SORCS3: variants seen among roughly 807,000 people sequenced by gnomAD.
The protein encoded by SORCS3 is VPS10 domain-containing receptor SorCS3.
In SORCS3, 57 loss-of-function variants were observed where a neutral mutation model predicts 146.3. The ratio of observed to expected loss-of-function variants is 0.39; its 90% CI spans 0.31 to 0.49. The LOEUF (loss-of-function observed/expected upper bound fraction) is 0.49. Among genes scored for constraint, SORCS3 ranks in the 20% least tolerant of loss-of-function variants. The pLI is 0.92. For missense variants in SORCS3, 1,341 were observed against 1,575.5 expected (o/e 0.85, Z 2.52); for synonymous variants, 653 against 618.5 (o/e 1.06, Z -0.83).
At chr10:105,144,384 TC>T (rs746872348) in intron 8 of SORCS3, among the ~76,000 whole-genome samples, 3 of 152,138 alleles carry the variant, frequency 2.0e-5, no homozygotes, top group Non-Finnish European at 4.4e-5. Context: ...TTTCTCTATT[TC>T]CGTTGTCTGA....
intron 7 of SORCS3, among the ~76,000 whole-genome samples, chr10:105,112,535 A>G (rs551898297): frequency 6.6e-6 from 1 of 152,308 alleles, no homozygotes; most frequent in South Asian, 2.1e-4. Flanking sequence ...GAGAAGCTAC[A>G]CAGATGCTAT....
intron 19 of SORCS3, among the ~76,000 whole-genome samples, chr10:105,217,474 C>G (rs1313474340): frequency 6.6e-6 from 1 of 152,206 alleles, no homozygotes; most frequent in Non-Finnish European, 1.5e-5. Flanking sequence ...TTGATAGTCT[C>G]AGGCTCATTC....
intron 1 of SORCS3, among the ~76,000 whole-genome samples, chr10:104,710,858 G>A (rs2016406897): frequency 6.6e-6 from 1 of 152,186 alleles, no homozygotes; most frequent in Admixed American, 6.5e-5. Context: ...AACATGTGAA[G>A]CATGAGGAGG....
chr10:104,741,219 C>T (rs1216471694), intron 1 of SORCS3, among the ~76,000 whole-genome samples: 1 of 148,054 alleles, frequency 6.8e-6, no homozygotes, highest in Non-Finnish European at 1.5e-5. Context: ...AGTCCTCCTG[C>T]CTCAGCTTCC....
chr10:104,834,555 A>G (rs781549860), intron 1 of SORCS3, among the ~76,000 whole-genome samples: 18 of 151,800 alleles, frequency 1.2e-4, no homozygotes, highest in Non-Finnish European at 2.1e-4. Context: ...TGCAACCTTC[A>G]TTCCCCACCT....
intron 1 of SORCS3, among the ~76,000 whole-genome samples, chr10:104,757,066 GTTTTTTTT>G (rs35550035): frequency 9.5e-5 from 8 of 83,976 alleles, no homozygotes; most frequent in Admixed American, 4.4e-4. Context: ...CAAGTTAAGG[GTTTTTTTT>G]TTTTTTTTTT....
intron 1 of SORCS3, among the ~76,000 whole-genome samples, chr10:104,671,836 C>A (rs1056872868): frequency 6.6e-6 from 1 of 151,988 alleles, no homozygotes; most frequent in African/African-American, 2.4e-5. Context: ...CTTGTCATGG[C>A]GTATAATCCT....
At chr10:105,067,653 C>T (rs74365838) in intron 5 of SORCS3, among the ~76,000 whole-genome samples, 1,947 of 152,254 alleles carry the variant, frequency 0.013, 25 homozygotes, top group African/African-American at 0.034. Context: ...TTCAAATCAC[C>T]TTTAAACCCA....
chr10:104,868,491 A>G (rs933954242), intron 2 of SORCS3, among the ~76,000 whole-genome samples: 1 of 152,190 alleles, frequency 6.6e-6, no homozygotes, highest in Non-Finnish European at 1.5e-5. Flanking sequence ...TACATCTTGC[A>G]TTTCAGATAG....
intron 5 of SORCS3, among the ~76,000 whole-genome samples, chr10:105,088,728 G>A (rs949241956): frequency 1.1e-4 from 17 of 152,124 alleles, no homozygotes; most frequent in Non-Finnish European, 1.8e-4. Flanking sequence ...GTAGGGATTT[G>A]TGGCATGGAA....
At chr10:105,083,645 G>A (rs1427940514) in intron 5 of SORCS3, among the ~76,000 whole-genome samples, 2 of 152,016 alleles carry the variant, frequency 1.3e-5, no homozygotes. Flanking sequence ...CCTTCTTAAG[G>A]TTTCTTTGCA....
At chr10:104,856,831 A>G (rs1054210934) in intron 2 of SORCS3, among the ~76,000 whole-genome samples, 1 of 145,182 alleles carries the variant, frequency 6.9e-6, no homozygotes, top group Admixed American at 7.1e-5. Flanking sequence ...TATAATATAT[A>G]TCAATATATA....
intron 1 of SORCS3, among the ~76,000 whole-genome samples, chr10:104,781,344 T>A (rs927115127): frequency 6.6e-6 from 1 of 152,260 alleles, no homozygotes; most frequent in Middle Eastern, 3.2e-3. Flanking sequence ...GCTGCTAGCA[T>A]CACAGAATGT....
intron 2 of SORCS3, among the ~76,000 whole-genome samples, chr10:104,914,460 C>T (rs1180369097): frequency 2.6e-5 from 4 of 152,106 alleles, no homozygotes; most frequent in African/African-American, 4.8e-5. Flanking sequence ...GACCAGGAAT[C>T]TGCCAGCTTG....
intron 5 of SORCS3, among the ~76,000 whole-genome samples, chr10:105,070,913 G>A (rs2055552543): frequency 6.6e-6 from 1 of 152,184 alleles, no homozygotes; most frequent in Non-Finnish European, 1.5e-5. Context: ...TACAGAAAAA[G>A]TTTAGTTTAA....
chr10:104,895,587 A>C (rs2018790100), intron 2 of SORCS3, among the ~76,000 whole-genome samples: 1 of 152,136 alleles, frequency 6.6e-6, no homozygotes, highest in Admixed American at 6.5e-5. Context: ...TCCTTTTCAC[A>C]GCATCTGTGT....
At chr10:105,234,350 T>A (rs1052782396) in intron 20 of SORCS3, among the ~76,000 whole-genome samples, 2 of 152,050 alleles carry the variant, frequency 1.3e-5, no homozygotes, top group African/African-American at 4.8e-5. Context: ...AAATGATACA[T>A]CTAGGTGTAG....
At chr10:104,855,716 A>AGTGTGT (rs58569291) in intron 2 of SORCS3, among the ~76,000 whole-genome samples, 15,503 of 150,802 alleles carry the variant, frequency 0.1, 1,396 homozygotes, top group African/African-American at 0.25. Flanking sequence ...TTTGCTTTTG[A>AGTGTGT]GTGTGTGTGT....
At chr10:105,221,224 C>T (rs1589694892) in intron 19 of SORCS3, among the ~76,000 whole-genome samples, 1 of 152,280 alleles carries the variant, frequency 6.6e-6, no homozygotes, top group East Asian at 1.9e-4. Flanking sequence ...TTTACACATA[C>T]ACTGGCCTGG....
Sources: allele counts gnomAD v4.1 joint callset (sites outside exome capture counted in the v4.1 genomes callset), GRCh38; gene constraint gnomAD v4.1.1; transcripts MANE v1.5; gene names NCBI Gene and HGNC (gene_info 2026-07-23, HGNC 2026-07-21).